MACROD2: variants seen among roughly 807,000 people sequenced by gnomAD.
MACROD2 encodes mono-ADP ribosylhydrolase 2.
MACROD2 carries 36 observed loss-of-function variants against 70.4 expected under a neutral mutation model. That is an observed-to-expected ratio of 0.51 (90% CI 0.39 to 0.68). The LOEUF is 0.68. Ranked by LOEUF, MACROD2 falls within the 30% of genes least tolerant of loss-of-function variation. The probability of loss-of-function intolerance (pLI) is 0.00; values close to 1 mark genes in which losing one functional copy is unlikely to be tolerated. For missense variants in MACROD2, 496 were observed against 538.4 expected (o/e 0.92, Z 0.78); for synonymous variants, 172 against 178.8 (o/e 0.96, Z 0.30).
At chr20:15,136,403 T>A (rs546187665) in intron 5 of MACROD2, among the ~76,000 whole-genome samples, 1 of 152,078 alleles carries the variant, frequency 6.6e-6, no homozygotes, top group East Asian at 1.9e-4. Context: ...TCAGAAATAA[T>A]GCCGCATATC....
intron 2 of MACROD2, among the ~76,000 whole-genome samples, chr20:14,083,053 A>G (rs994572453): frequency 2.0e-5 from 3 of 151,848 alleles, no homozygotes; most frequent in African/African-American, 7.3e-5. Context: ...AATATTTTGA[A>G]AAAGTATCTT....
intron 4 of MACROD2, among the ~76,000 whole-genome samples, chr20:14,669,875 G>C (rs1202480087): frequency 6.6e-6 from 1 of 151,760 alleles, no homozygotes; most frequent in East Asian, 1.9e-4. Flanking sequence ...CTTTACTTAA[G>C]GTCAAAATTT....
chr20:16,018,922 C>T (rs568395009), intron 15 of MACROD2, among the ~76,000 whole-genome samples: 30 of 152,272 alleles, frequency 2.0e-4, no homozygotes, highest in African/African-American at 5.1e-4. Flanking sequence ...TCATGGAATC[C>T]TCATGTTTCA....
intron 4 of MACROD2, among the ~76,000 whole-genome samples, chr20:14,603,004 C>CA (rs1377744652): frequency 6.6e-6 from 1 of 152,136 alleles, no homozygotes; most frequent in Non-Finnish European, 1.5e-5. Flanking sequence ...ATCTAGGAGA[C>CA]AACAAATATC....
intron 5 of MACROD2, among the ~76,000 whole-genome samples, chr20:14,975,840 A>T (rs1054504418): frequency 6.6e-6 from 1 of 152,166 alleles, no homozygotes; most frequent in African/African-American, 2.4e-5. Context: ...TCCAGTGAGC[A>T]AAAGAAGGAT....
chr20:15,278,822 A>T (rs1774633132), intron 6 of MACROD2, among the ~76,000 whole-genome samples: 2 of 152,224 alleles, frequency 1.3e-5, no homozygotes, highest in African/African-American at 4.8e-5. Flanking sequence ...TAGGCATTAA[A>T]TTCAGTCAAA....
At chr20:15,066,181 G>C (rs2075573619) in intron 5 of MACROD2, among the ~76,000 whole-genome samples, 1 of 150,852 alleles carries the variant, frequency 6.6e-6, no homozygotes, top group Non-Finnish European at 1.5e-5. Context: ...ACCCAGGCTG[G>C]AGTACAATGG....
chr20:14,784,672 G>C (rs1241275415), intron 5 of MACROD2, among the ~76,000 whole-genome samples: 1 of 119,632 alleles, frequency 8.4e-6, no homozygotes, highest in Non-Finnish European at 1.7e-5. Context: ...TTTAAGTGGG[G>C]GGGGGGGGGC....
At chr20:15,283,431 G>C (rs2077463758) in intron 6 of MACROD2, among the ~76,000 whole-genome samples, 1 of 152,170 alleles carries the variant, frequency 6.6e-6, no homozygotes, top group African/African-American at 2.4e-5. Flanking sequence ...CCTGCCCTTT[G>C]GGAGGCCGAG....
At chr20:15,721,971 A>T (rs182751562) in intron 8 of MACROD2, among the ~76,000 whole-genome samples, 1 of 152,310 alleles carries the variant, frequency 6.6e-6, no homozygotes, top group Admixed American at 6.5e-5. Flanking sequence ...TGAATCTTAT[A>T]TAAATGAAAT....
At chr20:15,483,258 C>T (rs967339462) in intron 7 of MACROD2, among the ~76,000 whole-genome samples, 2 of 152,114 alleles carry the variant, frequency 1.3e-5, no homozygotes, top group Non-Finnish European at 2.9e-5. Context: ...ATCTGTGTCA[C>T]GATCCATTTC....
chr20:14,494,613 C>A (rs2084833524), intron 4 of MACROD2, among the ~76,000 whole-genome samples: 1 of 152,130 alleles, frequency 6.6e-6, no homozygotes, highest in African/African-American at 2.4e-5. Context: ...TCAGTTACCT[C>A]ATCTTTAAAG....
chr20:14,533,749 C>A (rs549553759), intron 4 of MACROD2, among the ~76,000 whole-genome samples: 1 of 152,282 alleles, frequency 6.6e-6, no homozygotes, highest in African/African-American at 2.4e-5. Flanking sequence ...TCATCACTTT[C>A]TTTGCAAATA....
intron 8 of MACROD2, among the ~76,000 whole-genome samples, chr20:15,777,635 T>G: frequency 9.4e-6 from 1 of 106,408 alleles, no homozygotes; most frequent in South Asian, 3.3e-4. Context: ...CCCTCCTTCC[T>G]TCCTCTCTCT....
chr20:15,974,030 G>C (rs942824782), intron 13 of MACROD2, among the ~76,000 whole-genome samples: 2 of 152,204 alleles, frequency 1.3e-5, no homozygotes, highest in Non-Finnish European at 2.9e-5. Context: ...GACATGGACT[G>C]TTTGAAAAAT....
At chr20:14,744,908 T>A (rs74691322) in intron 5 of MACROD2, among the ~76,000 whole-genome samples, 4,202 of 152,234 alleles carry the variant, frequency 0.028, 98 homozygotes, top group Admixed American at 0.045. Flanking sequence ...AAATCAGAAG[T>A]AAGAAACGTT....
chr20:15,439,358 C>T (rs1005191953), intron 7 of MACROD2, among the ~76,000 whole-genome samples: 4 of 152,144 alleles, frequency 2.6e-5, no homozygotes, highest in African/African-American at 9.7e-5. Flanking sequence ...GCAGAGCTAC[C>T]TTTCAAATGG....
At chr20:15,238,828 G>C (rs1476664694) in intron 6 of MACROD2, among the ~76,000 whole-genome samples, 1 of 152,104 alleles carries the variant, frequency 6.6e-6, no homozygotes, top group East Asian at 1.9e-4. Context: ...CTTTTATCAG[G>C]CTAGGGAACA....
chr20:14,820,815 G>A lies in MACROD2; in HGVS notation c.418+135856G>A, dbSNP rs551351200. ...ATTCGTTGTGCGCTGCTGTGTTTTT[G>A]TTCTCCATCTGGTTAAGCTGCCGTG... On this transcript the variant is annotated intron_variant, in intron 5 of 17. Transcript: ENST00000684519. 2.6e-5 allele frequency among the ~76,000 whole-genome samples: 4 copies of A among 151,974 alleles called. No individual in the cohort carries two copies. The East Asian group carries it at 7.7e-4, about 29-fold the overall frequency.
Sources: gnomAD v4.1 joint callset for allele counts (sites outside exome capture counted in the v4.1 genomes callset) on GRCh38, gnomAD v4.1.1 for gene constraint, MANE v1.5 for transcripts, NCBI Gene and HGNC (gene_info 2026-07-23, HGNC 2026-07-21) for gene names.